The following FSTL4 variants were observed in gnomAD, a reference collection of about 807,000 sequenced individuals.
The protein encoded by FSTL4 is follistatin-related protein 4.
In FSTL4, 28 loss-of-function variants were observed where a neutral mutation model predicts 78.2. The observed-to-expected ratio is 0.36, with a 90% confidence interval of 0.27 to 0.49. The LOEUF (loss-of-function observed/expected upper bound fraction) is 0.49. FSTL4 is among the 20% of genes least tolerant of loss of function. FSTL4 has a pLI of 0.98. For missense variants in FSTL4, 922 were observed against 1,084.9 expected (o/e 0.85, Z 2.11); for synonymous variants, 422 against 440.5 (o/e 0.96, Z 0.53).
At chr5:133,668,817 AG>A in the FSTL4 span, among the ~76,000 whole-genome samples, 2 of 152,220 alleles carry the variant, frequency 1.3e-5, no homozygotes, top group East Asian at 3.8e-4. Flanking sequence ...AAATGAGCCC[AG>A]GCCCATCAGG....
chr5:133,358,639 A>G (rs1355431072), intron 4 of FSTL4, among the ~76,000 whole-genome samples: 1 of 123,952 alleles, frequency 8.1e-6, no homozygotes, highest in Non-Finnish European at 1.6e-5. Context: ...TCTGTCGCCC[A>G]GGCTGGATGG....
intron 6 of FSTL4, among the ~76,000 whole-genome samples, chr5:133,278,324 C>T (rs1212457438): frequency 6.6e-6 from 1 of 152,210 alleles, no homozygotes; most frequent in Non-Finnish European, 1.5e-5. Flanking sequence ...GTAACTCTCT[C>T]AGCTCCCCAG....
the FSTL4 span, among the ~76,000 whole-genome samples, chr5:133,629,414 T>C: frequency 6.6e-6 from 1 of 152,214 alleles, no homozygotes; most frequent in Non-Finnish European, 1.5e-5. Flanking sequence ...GATAAATTTC[T>C]GGACACATAC....
At chr5:133,826,277 G>T in the FSTL4 span, among the ~76,000 whole-genome samples, 2 of 152,234 alleles carry the variant, frequency 1.3e-5, no homozygotes, top group South Asian at 2.1e-4. Flanking sequence ...AGATGCCACA[G>T]TGATTGCAAA....
chr5:133,442,961 A>C (rs1229688382), intron 3 of FSTL4, among the ~76,000 whole-genome samples: 5 of 152,264 alleles, frequency 3.3e-5, no homozygotes, highest in Non-Finnish European at 7.3e-5. Flanking sequence ...TGAGCAAAGC[A>C]CAATAAGTCA....
chr5:133,662,966 G>A, the FSTL4 span, among the ~76,000 whole-genome samples: 1 of 115,474 alleles, frequency 8.7e-6, no homozygotes, highest in African/African-American at 4.5e-5. Context: ...GCATTACCCT[G>A]AGTTAAAAAA....
chr5:133,376,095 C>T (rs939621598), intron 4 of FSTL4, among the ~76,000 whole-genome samples: 1 of 152,200 alleles, frequency 6.6e-6, no homozygotes, highest in Non-Finnish European at 1.5e-5. Context: ...AATTTATAAA[C>T]ATATACAAAG....
intron 6 of FSTL4, among the ~76,000 whole-genome samples, chr5:133,307,915 A>AG (rs1561665383): frequency 6.6e-6 from 1 of 151,738 alleles, no homozygotes. Flanking sequence ...CAAGTAGCTG[A>AG]GACTACAGGC....
intron 4 of FSTL4, among the ~76,000 whole-genome samples, chr5:133,336,449 C>T (rs1754467080): frequency 6.6e-6 from 1 of 152,246 alleles, no homozygotes; most frequent in South Asian, 2.1e-4. Flanking sequence ...GGCTGTCTCT[C>T]TCCCATCCTG....
At chr5:133,764,165 TCA>T in the FSTL4 span, among the ~76,000 whole-genome samples, 14 of 152,372 alleles carry the variant, frequency 9.2e-5, no homozygotes, top group South Asian at 4.1e-4. Flanking sequence ...GGTCTTTGAT[TCA>T]CAGTTTGGGT....
chr5:133,429,810 C>A (rs903973957), intron 3 of FSTL4, among the ~76,000 whole-genome samples: 1 of 152,184 alleles, frequency 6.6e-6, no homozygotes, highest in Admixed American at 6.5e-5. Flanking sequence ...CCCTCAGTGA[C>A]CTCCCAGAAT....
chr5:133,215,613 T>G (rs928190191), intron 13 of FSTL4, among the ~76,000 whole-genome samples: 5 of 152,242 alleles, frequency 3.3e-5, no homozygotes, highest in African/African-American at 1.2e-4. Flanking sequence ...TAGTTTCATA[T>G]TGCTGTAGTA....
chr5:133,330,591 A>G (rs555109640), intron 4 of FSTL4, among the ~76,000 whole-genome samples: 1 of 152,288 alleles, frequency 6.6e-6, no homozygotes, highest in East Asian at 1.9e-4. Context: ...AACACTGGGG[A>G]TTGCATTTCA....
rs142739752 is a variant in FSTL4, at chr5:133,298,294, T to C, written c.727+14360A>G. ...CTTCAGAGGCAAGCTCTGCAACACA[T>C]GGTGAGCCCTGCAATGCTCTGCTCC... On this transcript the variant is annotated intron_variant, in intron 6 of 15. Transcript: ENST00000265342. Among the ~76,000 whole-genome samples, 129 of 152,348 alleles carry C rather than the reference T, an allele frequency of 8.5e-4. 1 individual carries two copies. The highest frequency in any genetic ancestry group is 2.9e-3 in the African/African-American group (120 of 41,584).
At chr5:133,224,864 A>T (rs190107741) in intron 10 of FSTL4, among the ~76,000 whole-genome samples, 1 of 152,322 alleles carries the variant, frequency 6.6e-6, no homozygotes, top group East Asian at 1.9e-4. Flanking sequence ...GCAAGTAAAA[A>T]GCAGAGCTGG....
At chr5:133,774,618 T>A in the FSTL4 span, among the ~76,000 whole-genome samples, 2 of 152,210 alleles carry the variant, frequency 1.3e-5, no homozygotes, top group Non-Finnish European at 2.9e-5. Flanking sequence ...AAAATTTGTT[T>A]GCTGGTTGAA....
the FSTL4 span, among the ~76,000 whole-genome samples, chr5:133,766,120 T>C: frequency 3.3e-5 from 5 of 151,578 alleles, no homozygotes; most frequent in Non-Finnish European, 7.4e-5. Flanking sequence ...GCTGGAGGGG[T>C]GAATTACTGC....
At chr5:133,446,008 A>G (rs1757255695) in intron 3 of FSTL4, among the ~76,000 whole-genome samples, 1 of 152,192 alleles carries the variant, frequency 6.6e-6, no homozygotes, top group Admixed American at 6.5e-5. Context: ...TATAAACTCA[A>G]GGGCTAGCCA....
At chr5:133,504,095 C>G (rs1387295476) in intron 3 of FSTL4, among the ~76,000 whole-genome samples, 1 of 152,128 alleles carries the variant, frequency 6.6e-6, no homozygotes, top group Non-Finnish European at 1.5e-5. Flanking sequence ...TCAATTACTT[C>G]CCATCGGGTC....
Sources: gnomAD v4.1 joint callset for allele counts (sites outside exome capture counted in the v4.1 genomes callset) on GRCh38, gnomAD v4.1.1 for gene constraint, MANE v1.5 for transcripts, NCBI Gene and HGNC (gene_info 2026-07-23, HGNC 2026-07-21) for gene names.